The following CNTN5 variants were observed in gnomAD, a reference collection of about 807,000 sequenced individuals.
CNTN5 encodes the protein contactin 5.
In CNTN5, 77 loss-of-function variants were observed where a neutral mutation model predicts 129.1. The observed-to-expected ratio is 0.60, with a 90% confidence interval of 0.50 to 0.72. The LOEUF (loss-of-function observed/expected upper bound fraction) is 0.72. Among genes scored for constraint, CNTN5 ranks in the 30% least tolerant of loss-of-function variants. CNTN5 has a pLI of 0.00. For missense variants in CNTN5, 1,478 were observed against 1,328.8 expected, an observed-to-expected ratio of 1.11 and a Z score of -1.75; for synonymous variants, 509 against 465.6, an observed-to-expected ratio of 1.09 and a Z score of -1.20.
At chr11:99,035,195 T>C (rs1203840463) in intron 1 of CNTN5, among the ~76,000 whole-genome samples, 6 of 151,106 alleles carry the variant, frequency 4.0e-5, no homozygotes, top group East Asian at 2.0e-4. Flanking sequence ...TCCAAGTATG[T>C]GGTCAATTTT....
chr11:99,419,196 A>T (rs752640767), intron 2 of CNTN5, among the ~76,000 whole-genome samples: 1 of 152,148 alleles, frequency 6.6e-6, no homozygotes, highest in Non-Finnish European at 1.5e-5. Context: ...CTACCTGAGC[A>T]CAACAGCACT....
intron 4 of CNTN5, among the ~76,000 whole-genome samples, chr11:99,833,418 A>T (rs1394949169): frequency 1.3e-5 from 2 of 152,162 alleles, no homozygotes; most frequent in Non-Finnish European, 2.9e-5. Context: ...GAACCCATAC[A>T]ACCAATCTGT....
At chr11:99,548,012 T>A (rs1443222034) in intron 2 of CNTN5, among the ~76,000 whole-genome samples, 1 of 152,228 alleles carries the variant, frequency 6.6e-6, no homozygotes, top group African/African-American at 2.4e-5. Context: ...AATGAATTCC[T>A]CTAGAAAAGC....
intron 1 of CNTN5, among the ~76,000 whole-genome samples, chr11:99,069,109 T>A (rs765951974): frequency 6.6e-6 from 1 of 152,082 alleles, no homozygotes; most frequent in Non-Finnish European, 1.5e-5. Flanking sequence ...TTTGAAAATA[T>A]CAGTGTGGAA....
chr11:99,455,439 G>GC (rs1555148981), intron 2 of CNTN5, among the ~76,000 whole-genome samples: 3 of 147,498 alleles, frequency 2.0e-5, no homozygotes, highest in Admixed American at 6.8e-5. Flanking sequence ...AAAATATGTA[G>GC]TTTTTTTTTT....
At chr11:100,163,846 TC>T (rs1406622380) in intron 13 of CNTN5, among the ~76,000 whole-genome samples, 2 of 151,914 alleles carry the variant, frequency 1.3e-5, no homozygotes, top group Non-Finnish European at 2.9e-5. Flanking sequence ...TTGCTGTTAC[TC>T]CTATGTACCA....
At chr11:99,402,596 C>T (rs7938071) in intron 2 of CNTN5, among the ~76,000 whole-genome samples, 31,198 of 152,082 alleles carry the variant, frequency 0.21, 3,639 homozygotes, top group African/African-American at 0.32. Flanking sequence ...TCGTAGAATA[C>T]TTTTGAAGCA....
At chr11:99,912,664 G>A (rs1440165075) in intron 6 of CNTN5, among the ~76,000 whole-genome samples, 1 of 131,024 alleles carries the variant, frequency 7.6e-6, no homozygotes, top group Non-Finnish European at 1.6e-5. Context: ...TTTTTTCGTA[G>A]TTCTTCTAGG....
At chr11:99,219,821 C>T (rs1394839694) in intron 1 of CNTN5, among the ~76,000 whole-genome samples, 2 of 151,910 alleles carry the variant, frequency 1.3e-5, no homozygotes, top group East Asian at 3.8e-4. Context: ...TAGATTACGG[C>T]AGGAATCGAG....
chr11:99,583,736 G>T (rs529452996), intron 3 of CNTN5, among the ~76,000 whole-genome samples: 1 of 152,286 alleles, frequency 6.6e-6, no homozygotes, highest in East Asian at 1.9e-4. Context: ...CCCTTTCTTT[G>T]ACTAGGAAAG....
At chr11:99,949,305 A>C (rs564570910) in intron 7 of CNTN5, among the ~76,000 whole-genome samples, 47 of 152,280 alleles carry the variant, frequency 3.1e-4, no homozygotes, top group African/African-American at 1.1e-3. Context: ...TGTCATGTCC[A>C]AAGTTGAACG....
intron 1 of CNTN5, among the ~76,000 whole-genome samples, chr11:99,130,192 C>T (rs1358730416): frequency 6.6e-6 from 1 of 152,080 alleles, no homozygotes; most frequent in Non-Finnish European, 1.5e-5. Flanking sequence ...AGGCGAGACC[C>T]ATCAGCATGT....
intron 13 of CNTN5, among the ~76,000 whole-genome samples, chr11:100,102,955 A>G (rs1247474476): frequency 6.6e-6 from 1 of 152,124 alleles, no homozygotes; most frequent in African/African-American, 2.4e-5. Context: ...CCAATATGAG[A>G]ATTCCTCCTA....
intron 1 of CNTN5, among the ~76,000 whole-genome samples, chr11:99,155,477 C>T (rs1860287425): frequency 6.6e-6 from 1 of 152,130 alleles, no homozygotes; most frequent in Non-Finnish European, 1.5e-5. Context: ...CAAACACTGG[C>T]AGATTCTGAA....
chr11:99,565,959 T>C (rs911437606), intron 3 of CNTN5, among the ~76,000 whole-genome samples: 9 of 152,212 alleles, frequency 5.9e-5, no homozygotes, highest in African/African-American at 2.2e-4. Context: ...AATAGTGATA[T>C]CATTGCTTTC....
intron 1 of CNTN5, among the ~76,000 whole-genome samples, chr11:99,119,009 T>C (rs1262854413): frequency 6.6e-6 from 1 of 152,058 alleles, no homozygotes; most frequent in Non-Finnish European, 1.5e-5. Context: ...TTTCTATATA[T>C]CAATGGAAAT....
chr11:100,188,438 AAAC>A (rs1028284051), intron 13 of CNTN5, among the ~76,000 whole-genome samples: 3 of 152,118 alleles, frequency 2.0e-5, no homozygotes, highest in Non-Finnish European at 4.4e-5. Context: ...CTCTGTCTTA[AAAC>A]AACAACAAGA....
intron 15 of CNTN5, among the ~76,000 whole-genome samples, chr11:100,223,663 A>G (rs1335556624): frequency 1.3e-5 from 2 of 152,102 alleles, no homozygotes; most frequent in Non-Finnish European, 2.9e-5. Flanking sequence ...CATGTGCTCA[A>G]TTACTGTTAG....
At chr11:99,303,845 C>A (rs79538942) in intron 1 of CNTN5, among the ~76,000 whole-genome samples, 2,027 of 152,192 alleles carry the variant, frequency 0.013, 40 homozygotes, top group African/African-American at 0.045. Context: ...CTCATTCCCA[C>A]CTGCATAATT....
Sources: allele counts gnomAD v4.1 joint callset (sites outside exome capture counted in the v4.1 genomes callset), GRCh38; gene constraint gnomAD v4.1.1; transcripts MANE v1.5; gene names NCBI Gene and HGNC (gene_info 2026-07-23, HGNC 2026-07-21).